Variants in IFT46 observed in about 807,000 individuals in gnomAD.
IFT46 encodes the protein intraflagellar transport protein 46 homolog.
Under a neutral mutation model 39.6 loss-of-function variants are expected in IFT46, and 19 were observed. The observed-to-expected ratio is 0.48, with a 90% CI of 0.33 to 0.70. The LOEUF is 0.70. Ranked by LOEUF, IFT46 falls within the 30% of genes least tolerant of loss-of-function variation. The probability of loss-of-function intolerance (pLI) is 0.01; values close to 1 mark genes in which losing one functional copy is unlikely to be tolerated. For missense variants in IFT46, 334 were observed against 364.8 expected, an observed-to-expected ratio of 0.92 and a Z score of 0.69; for synonymous variants, 117 against 134.8, an observed-to-expected ratio of 0.87 and a Z score of 0.91.
rs116386951 is a variant in IFT46, at chr11:118,560,955, T to A, written c.-35-1091A>T. 2,163 of 1,300,020 alleles carry A rather than the reference T, an allele frequency of 1.7e-3. 31 individuals are homozygous for A. The African/African-American group carries it at 0.028, about 17-fold the overall frequency. The allele number at this position is 1,300,020 out of a possible 1,614,324, so 80.5% of individuals were successfully genotyped here. On this transcript the variant is annotated intron_variant, in intron 2 of 11. Coordinates refer to ENST00000264021, the MANE Select transcript of IFT46 (RefSeq NM_001168618.2). ...AAACTGCCAAAATGTGGTGTGAAGGTTGGCCTGACAAATTATGCTGCAACT... is the reference window on the plus strand; with the variant it reads ...AAACTGCCAAAATGTGGTGTGAAGGATGGCCTGACAAATTATGCTGCAACT...
chr11:118,554,998 A>G lies in IFT46; in HGVS notation c.346T>C (p.Phe116Leu). Reference protein sequence around the residue: ...FIPAVGDIDAFLKVPRPDGKP... With the variant: ...FIPAVGDIDALLKVPRPDGKP... ...GGATGTACTGACTATACCTTTAAGA[A>G]TGCATCAATATCCCCGACAGCTGGG... Residue 116 changes from phenylalanine to leucine, a missense_variant, in exon 6 of 12, where the codon TTC (phenylalanine) becomes CTC (leucine). Physicochemically the swap from Phe to Leu is conservative, Grantham distance 22. Transcript: ENST00000264021. 1 of 1,609,582 alleles carries G rather than the reference A, an allele frequency of 6.2e-7. No individual in the cohort carries two copies. Among genetic ancestry groups the G allele is most frequent in the Non-Finnish European group, 8.5e-7 (1 of 1,175,786 alleles).
chr11:118,545,598 T>A (rs1304624830), intron 10 of IFT46, 104 bp from the exon 11 acceptor site: 10 of 1,136,376 alleles, frequency 8.8e-6, no homozygotes, highest in Admixed American at 5.5e-5. Flanking sequence ...GGTGTCGCTA[T>A]GACTTTGGGG....
chr11:118,563,318 A>AT, intron 2 of IFT46, among the ~76,000 whole-genome samples: 1 of 152,270 alleles, frequency 6.6e-6, no homozygotes, highest in East Asian at 1.9e-4. Flanking sequence ...AAGGGTATGG[A>AT]TTTTCTGTTC....
intron 9 of IFT46, among the ~76,000 whole-genome samples, chr11:118,548,699 C>T (rs1488484531): frequency 6.6e-6 from 1 of 151,822 alleles, no homozygotes; most frequent in African/African-American, 2.4e-5. Flanking sequence ...GATGGGGTTT[C>T]ACCATGTTGG....
upstream of IFT46, among the ~76,000 whole-genome samples, chr11:118,569,637 C>T (rs145961281): frequency 1.5e-4 from 23 of 152,252 alleles, no homozygotes; most frequent in Non-Finnish European, 2.1e-4. Flanking sequence ...TTTGAATCCT[C>T]GCTTACCTAC....
chr11:118,571,529 TATTTTAC>T (rs1165437983), intron 1 of IFT46, among the ~76,000 whole-genome samples: 10 of 152,240 alleles, frequency 6.6e-5, no homozygotes, highest in African/African-American at 2.2e-4. Flanking sequence ...GTGGCTGCAC[TATTTTAC>T]ATTCATCCTC....
At chr11:118,546,274 G>A in intron 9 of IFT46, 1 of 669,720 alleles carries the variant, frequency 1.5e-6, no homozygotes. Flanking sequence ...GAGGTGGGCA[G>A]ATCGCCTGAG....
chr11:118,551,901 C>A, intron 8 of IFT46, 49 bp from the exon 9 acceptor site: 1 of 1,514,496 alleles, frequency 6.6e-7, no homozygotes, highest in Non-Finnish European at 9.2e-7. Flanking sequence ...CTGATAACAT[C>A]AGCAACCTCT....
At chr11:118,546,016 C>T (rs1951675516) in intron 9 of IFT46, 163 bp from the exon 10 acceptor site, 1 of 713,216 alleles carries the variant, frequency 1.4e-6, no homozygotes, top group East Asian at 2.7e-5. Context: ...CCCTGTACTT[C>T]AGAATGTGAC....
chr11:118,565,448 G>C (rs1938192183), intron 1 of IFT46: 1 of 130,448 alleles, frequency 7.7e-6, no homozygotes, highest in Admixed American at 8.5e-5. Context: ...TCTGTCTCTG[G>C]AGTCACCTCT....
At chr11:118,551,269 G>A (rs1349557794) in intron 9 of IFT46, among the ~76,000 whole-genome samples, 2 of 151,818 alleles carry the variant, frequency 1.3e-5, no homozygotes, top group Non-Finnish European at 2.9e-5. Flanking sequence ...AGCTACTCGA[G>A]AGGCTGAGGC....
intron 1 of IFT46, among the ~76,000 whole-genome samples, chr11:118,571,507 C>T (rs1938335057): frequency 1.3e-5 from 2 of 152,192 alleles, no homozygotes; most frequent in South Asian, 4.1e-4. Context: ...AACTGCCAAA[C>T]TCTTTTCCAA....
chr11:118,567,262 A>G (rs1274106445), upstream of IFT46, among the ~76,000 whole-genome samples: 2 of 151,532 alleles, frequency 1.3e-5, no homozygotes, highest in African/African-American at 4.9e-5. Context: ...CATCTCAAAT[A>G]TAAATAATGA....
In IFT46 at chr11:118,558,343, TC is replaced by T. The variant is rs1937911525; in HGVS notation, c.46-1299del. Among the ~76,000 whole-genome samples, 3 of 152,324 alleles carry T rather than the reference TC, an allele frequency of 2.0e-5. No individual in the cohort carries two copies. In the South Asian group the frequency reaches 6.2e-4, roughly 32 times the overall value. On this transcript the variant is annotated intron_variant, in intron 3 of 11. Transcript: ENST00000264021. Reference sequence around the variant, plus strand: ...CCGGGGTGGTGGCTCATGCCTGTAATCCCAGCACTTTGGGAGACCGAAGCAG... The same window carrying T: ...CCGGGGTGGTGGCTCATGCCTGTAATCCAGCACTTTGGGAGACCGAAGCAG...
At chr11:118,551,662 C>A (rs1395207818) in intron 9 of IFT46, 124 bp downstream of exon 9, 1 of 693,236 alleles carries the variant, frequency 1.4e-6, no homozygotes, top group Non-Finnish European at 2.4e-6. Flanking sequence ...AAGAGCAAGA[C>A]CCTGTCTCAA....
intron 9 of IFT46, among the ~76,000 whole-genome samples, chr11:118,547,807 C>G (rs1421401647): frequency 7.1e-6 from 1 of 140,152 alleles, no homozygotes. Flanking sequence ...AGTGTAGTGG[C>G]GCTATCTTGG....
intron 2 of IFT46, chr11:118,560,844 T>C: frequency 1.3e-6 from 1 of 757,150 alleles, no homozygotes; most frequent in Non-Finnish European, 2.4e-6. Context: ...TATAAGATGA[T>C]AGTTCGTGTA....
chr11:118,571,038 G>C (rs1555072280), intron 1 of IFT46, among the ~76,000 whole-genome samples: 1 of 151,936 alleles, frequency 6.6e-6, no homozygotes, highest in African/African-American at 2.4e-5. Flanking sequence ...ACCATGCCTG[G>C]CTTAATTCCA....
At chr11:118,565,488 T>C (rs143401701) in intron 1 of IFT46, 1 of 1,538 alleles carries the variant, frequency 6.5e-4, no homozygotes. Context: ...TGGGGTGGGG[T>C]GGGGTGGGGT....
Sources: allele counts gnomAD v4.1 joint callset (sites outside exome capture counted in the v4.1 genomes callset), GRCh38; gene constraint gnomAD v4.1.1; transcripts MANE v1.5; gene names NCBI Gene and HGNC (gene_info 2026-07-23, HGNC 2026-07-21).